EPC2: variants seen among roughly 807,000 people sequenced by gnomAD.
EPC2 encodes enhancer of polycomb 2.
In EPC2, 14 loss-of-function variants were observed where a neutral mutation model predicts 92.1. The observed-to-expected ratio is 0.15, with a 90% CI of 0.10 to 0.24. The LOEUF is 0.24. EPC2 is among the 10% of genes least tolerant of loss of function. EPC2 has a pLI of 1.00. For missense variants in EPC2, 755 were observed against 971.5 expected (o/e 0.78, Z 2.96); for synonymous variants, 340 against 334.7 (o/e 1.02, Z -0.17).
intron 1 of EPC2, among the ~76,000 whole-genome samples, chr2:148,658,605 G>GTA (rs1410626325): frequency 4.3e-4 from 9 of 20,702 alleles, no homozygotes; most frequent in Admixed American, 8.7e-4. Context: ...GTGTGTGTGT[G>GTA]TGTATATATA....
chr2:148,667,153 C>CATT (rs1681071409), intron 1 of EPC2, among the ~76,000 whole-genome samples: 1 of 152,128 alleles, frequency 6.6e-6, no homozygotes, highest in Non-Finnish European at 1.5e-5. Flanking sequence ...GGATGGGCCA[C>CATT]GTTATTAACA....
At chr2:148,726,301 G>GAT (rs1198058449) in intron 2 of EPC2, among the ~76,000 whole-genome samples, 1 of 152,082 alleles carries the variant, frequency 6.6e-6, no homozygotes, top group East Asian at 1.9e-4. Flanking sequence ...AGTTCTTTTG[G>GAT]ATATATACAC....
chr2:148,702,924 G>A (rs931215655), intron 2 of EPC2, among the ~76,000 whole-genome samples: 1 of 152,094 alleles, frequency 6.6e-6, no homozygotes, highest in Admixed American at 6.6e-5. Flanking sequence ...GTGGCACAGG[G>A]AAGCCAAAAG....
intron 1 of EPC2, among the ~76,000 whole-genome samples, chr2:148,669,647 A>G (rs777347897): frequency 6.6e-5 from 10 of 152,194 alleles, no homozygotes; most frequent in African/African-American, 9.6e-5. Context: ...GCACCAAAAC[A>G]ATCATCCAAA....
chr2:148,724,927 A>G (rs2105393411), intron 2 of EPC2, among the ~76,000 whole-genome samples: 2 of 152,218 alleles, frequency 1.3e-5, no homozygotes, highest in East Asian at 3.9e-4. Context: ...GTTATAGTTA[A>G]GGAGTAGAGA....
intron 1 of EPC2, among the ~76,000 whole-genome samples, chr2:148,647,105 G>A (rs529378829): frequency 2.2e-4 from 33 of 151,968 alleles, no homozygotes; most frequent in African/African-American, 7.5e-4. Flanking sequence ...GCGAGACTCC[G>A]TCCCCCCCAA....
At chr2:148,693,532 A>G (rs1488062965) in intron 2 of EPC2, among the ~76,000 whole-genome samples, 2 of 152,182 alleles carry the variant, frequency 1.3e-5, no homozygotes, top group Non-Finnish European at 2.9e-5. Context: ...TTCTTCCACT[A>G]TGACACCAAC....
At position 148,675,095 on chromosome 2, in the gene EPC2, T is replaced by C. The variant is rs538173352; in HGVS notation, c.154-15119T>C. On this transcript the variant is annotated intron_variant, in intron 1 of 13. Transcript: ENST00000258484. The stretch of plus-strand genomic sequence containing the variant: ...TACTCATTTTATTTCTCTATTTATC[T>C]AATTTTCATTCAATTGGGTATTTGA... Among the ~76,000 whole-genome samples the C allele has an allele frequency of 2.4e-4, 36 of 152,370 alleles. No homozygotes were observed. In the South Asian group the frequency reaches 3.3e-3, roughly 14 times the overall value.
intron 1 of EPC2, among the ~76,000 whole-genome samples, chr2:148,673,636 T>C (rs558858651): frequency 6.6e-6 from 1 of 152,314 alleles, no homozygotes; most frequent in South Asian, 2.1e-4. Flanking sequence ...CAGGCTGGAG[T>C]GCAGTGGTGC....
intron 10 of EPC2, among the ~76,000 whole-genome samples, chr2:148,780,213 C>A (rs979656259): frequency 1.3e-5 from 2 of 152,040 alleles, no homozygotes; most frequent in Non-Finnish European, 2.9e-5. Flanking sequence ...TAATAGCCCC[C>A]AGTTTTGAGT....
rs1683380107 is a variant in EPC2 at position 148,764,959 on chromosome 2, CTCA to C, written c.958_960del (p.His320del). ...GAAAAATCGTCATGTAAACAGCACC[CTCA>C]TCATTTGTCTTTGAAAGAAGAGGCT... On this transcript the variant is annotated inframe_deletion, in exon 7 of 14. Transcript: ENST00000258484. The C allele has an allele frequency of 1.9e-6, 3 of 1,540,800 alleles. No homozygotes were observed. Among genetic ancestry groups the C allele is most frequent in the Non-Finnish European group, 2.6e-6 (3 of 1,145,160 alleles).
At chr2:148,712,503 T>C (rs1442596523) in intron 2 of EPC2, among the ~76,000 whole-genome samples, 4 of 152,326 alleles carry the variant, frequency 2.6e-5, no homozygotes, top group Admixed American at 2.0e-4. Context: ...AAAATTCTTA[T>C]TGCTTAGTGA....
At chr2:148,669,706 A>G (rs1681117361) in intron 1 of EPC2, among the ~76,000 whole-genome samples, 1 of 152,150 alleles carries the variant, frequency 6.6e-6, no homozygotes, top group Non-Finnish European at 1.5e-5. Context: ...GAAAAACCTC[A>G]AAATTTGTAA....
At chr2:148,759,502 A>G (rs1683259539) in intron 4 of EPC2, among the ~76,000 whole-genome samples, 1 of 152,236 alleles carries the variant, frequency 6.6e-6, no homozygotes, top group Non-Finnish European at 1.5e-5. Flanking sequence ...AAATATGAAT[A>G]AAGTTTATAT....
At chr2:148,704,609 A>G (rs1048527426) in intron 2 of EPC2, among the ~76,000 whole-genome samples, 3 of 152,244 alleles carry the variant, frequency 2.0e-5, no homozygotes, top group African/African-American at 7.2e-5. Flanking sequence ...TTGATGAGTC[A>G]CAGTGAGTAT....
chr2:148,702,797 C>T (rs370836276), intron 2 of EPC2, among the ~76,000 whole-genome samples: 3 of 151,820 alleles, frequency 2.0e-5, no homozygotes, highest in Non-Finnish European at 4.4e-5. Context: ...CAACCCAATT[C>T]GTAAACTTTC....
intron 1 of EPC2, among the ~76,000 whole-genome samples, chr2:148,655,226 A>T (rs1214332767): frequency 6.6e-6 from 1 of 152,196 alleles, no homozygotes; most frequent in East Asian, 1.9e-4. Context: ...AATAACCCCA[A>T]AATGCTTCCT....
chr2:148,695,695 C>CA (rs1405680031), intron 2 of EPC2, among the ~76,000 whole-genome samples: 1 of 152,176 alleles, frequency 6.6e-6, no homozygotes, highest in Non-Finnish European at 1.5e-5. Context: ...AAATGAAGAG[C>CA]ATTGTTTTGT....
At chr2:148,732,127 G>A (rs1198721716) in intron 2 of EPC2, among the ~76,000 whole-genome samples, 4 of 152,198 alleles carry the variant, frequency 2.6e-5, no homozygotes, top group Admixed American at 2.0e-4. Context: ...ACCAAGGGGA[G>A]CTAGAATCAG....
Sources: allele counts gnomAD v4.1 joint callset (sites outside exome capture counted in the v4.1 genomes callset), GRCh38; gene constraint gnomAD v4.1.1; transcripts MANE v1.5; gene names NCBI Gene and HGNC (gene_info 2026-07-23, HGNC 2026-07-21).